The following CD48 variants were observed in gnomAD, a reference collection of about 807,000 sequenced individuals.
The protein encoded by CD48 is CD48 antigen.
In CD48, 20 loss-of-function variants were observed where a neutral mutation model predicts 22.0. The ratio of observed to expected loss-of-function variants is 0.91; its 90% CI spans 0.64 to 1.32. The LOEUF is 1.32. Among genes scored for constraint, CD48 ranks in the 40% most tolerant of loss-of-function variants. The pLI is 0.00. For missense variants in CD48, 307 were observed against 286.5 expected (o/e 1.07, Z -0.52); for synonymous variants, 110 against 110.1 (o/e 1.00, Z 0.01).
At chr1:160,699,488 G>A (rs978594633) in intron 1 of CD48, 3 of 152,500 alleles carry the variant, frequency 2.0e-5, no homozygotes, top group African/African-American at 7.2e-5. Flanking sequence ...TGCTGAGGAG[G>A]ATTAGTATAA....
At chr1:160,695,240 CT>C (rs1336351500) in intron 1 of CD48, among the ~76,000 whole-genome samples, 1 of 138,730 alleles carries the variant, frequency 7.2e-6, no homozygotes, top group Non-Finnish European at 1.6e-5. Context: ...ATTTGTCAGA[CT>C]TTTGTAGGTC....
chr1:160,686,860 C>T (rs1292961265), intron 1 of CD48, among the ~76,000 whole-genome samples: 1 of 152,172 alleles, frequency 6.6e-6, no homozygotes, highest in Admixed American at 6.6e-5. Flanking sequence ...CACAGGACCA[C>T]AGGACCGAGG....
At chr1:160,706,221 T>C (rs188452891) in intron 1 of CD48, among the ~76,000 whole-genome samples, 1 of 152,210 alleles carries the variant, frequency 6.6e-6, no homozygotes, top group East Asian at 1.9e-4. Flanking sequence ...ATTACAGGCA[T>C]GCACCACCAC....
intron 1 of CD48, among the ~76,000 whole-genome samples, chr1:160,690,358 C>A (rs1261130005): frequency 1.3e-5 from 2 of 152,226 alleles, no homozygotes; most frequent in Non-Finnish European, 2.9e-5. Flanking sequence ...AAGGAGCTAA[C>A]ATGAGTCACA....
At chr1:160,691,080 G>A (rs886754787) in intron 1 of CD48, among the ~76,000 whole-genome samples, 4 of 152,118 alleles carry the variant, frequency 2.6e-5, no homozygotes, top group African/African-American at 7.2e-5. Flanking sequence ...CAAAAACTGC[G>A]GAAGCCTGCA....
chr1:160,700,422 T>A (rs1662590655), intron 1 of CD48, among the ~76,000 whole-genome samples: 1 of 152,166 alleles, frequency 6.6e-6, no homozygotes, highest in African/African-American at 2.4e-5. Flanking sequence ...GTCTAATTAA[T>A]ATGGCTATTT....
At chr1:160,680,390 C>T (rs368113414) in intron 3 of CD48, 54 of 173,694 alleles carry the variant, frequency 3.1e-4, no homozygotes, top group African/African-American at 3.8e-4. Context: ...TAGGCAGTTA[C>T]GTGTCTTGTC....
At chr1:160,709,007 C>A (rs1662872831) in intron 1 of CD48, among the ~76,000 whole-genome samples, 1 of 152,164 alleles carries the variant, frequency 6.6e-6, no homozygotes, top group African/African-American at 2.4e-5. Flanking sequence ...AAGAGCCTTG[C>A]ATGACTCTAG....
At chr1:160,682,659 A>G (rs149609382) in intron 2 of CD48, among the ~76,000 whole-genome samples, 3 of 152,156 alleles carry the variant, frequency 2.0e-5, no homozygotes, top group African/African-American at 7.2e-5. Context: ...CCTTGCTGTC[A>G]TCTGTAAACT....
chr1:160,703,176 A>C (rs1031762469), intron 1 of CD48, among the ~76,000 whole-genome samples: 1 of 152,212 alleles, frequency 6.6e-6, no homozygotes, highest in Non-Finnish European at 1.5e-5. Context: ...CTGAGCCTGC[A>C]AATGGGCCTC....
chr1:160,688,210 G>T (rs965343843), intron 1 of CD48, among the ~76,000 whole-genome samples: 3 of 152,206 alleles, frequency 2.0e-5, no homozygotes, highest in African/African-American at 7.2e-5. Context: ...TTGATGTAAT[G>T]CCATTCCATC....
At chr1:160,701,990 T>C (rs1662645193) in intron 1 of CD48, among the ~76,000 whole-genome samples, 1 of 152,198 alleles carries the variant, frequency 6.6e-6, no homozygotes. Context: ...CAGGGCCACA[T>C]GTCTTATCGC....
At chr1:160,699,044 G>A (rs1662532266) in intron 1 of CD48, 1 of 153,782 alleles carries the variant, frequency 6.5e-6, no homozygotes, top group East Asian at 1.9e-4. Context: ...AGAAAAGGGG[G>A]AAATGTGGGG....
At chr1:160,694,070 C>T (rs984918917) in intron 1 of CD48, among the ~76,000 whole-genome samples, 11 of 126,940 alleles carry the variant, frequency 8.7e-5, no homozygotes, top group South Asian at 2.6e-4. Context: ...GGGAAGATCA[C>T]GTCTAAATCT....
chr1:160,688,266 G>A (rs1440528171), intron 1 of CD48, among the ~76,000 whole-genome samples: 7 of 152,154 alleles, frequency 4.6e-5, no homozygotes, highest in South Asian at 2.1e-4. Flanking sequence ...TGATAACAGC[G>A]ATTAAAGTGA....
rs957304109 is a variant in CD48 at position 160,697,433 on chromosome 1, G to T, written c.83-12244C>A. Among the ~76,000 whole-genome samples the T allele has an allele frequency of 3.9e-5, 6 of 152,420 alleles. No homozygotes were observed. In the East Asian group the frequency reaches 1.2e-3, roughly 29 times the overall value. ...TGATCGCTGCCCTGCCAAACCTGAGGAAGAAGGGATGATGATAAATATTTC... is the reference window on the plus strand; with the variant it reads ...TGATCGCTGCCCTGCCAAACCTGAGTAAGAAGGGATGATGATAAATATTTC... On this transcript the variant is annotated intron_variant, in intron 1 of 3. Coordinates refer to ENST00000368046, the MANE Select transcript of CD48 (RefSeq NM_001778.4).
chr1:160,684,597 T>C lies in CD48; in HGVS notation c.385+290A>G, dbSNP rs1661921554. On this transcript the variant is annotated intron_variant, in intron 2 of 3. Transcript: ENST00000368046. ...GATGAGCTGAGCTGATTTAGGTTGA[T>C]CACAGGACAAAATGAAGGAAATAGG... 8.0e-6 allele frequency: 7 copies of C among 875,010 alleles called. No individual in the cohort carries two copies. The South Asian group carries it at 1.3e-4, about 16-fold the overall frequency. The allele number at this position is 875,010 out of a possible 1,614,324, so 54.2% of individuals were successfully genotyped here.
At chr1:160,708,381 A>G (rs1017697805) in intron 1 of CD48, among the ~76,000 whole-genome samples, 51 of 152,188 alleles carry the variant, frequency 3.4e-4, no homozygotes, top group African/African-American at 1.2e-3. Flanking sequence ...ACAGAGAACC[A>G]TTTTAGAAAA....
intron 2 of CD48, 65 bp from the exon 3 acceptor site, chr1:160,681,533 A>T (rs1015758481): frequency 5.0e-5 from 79 of 1,569,044 alleles, no homozygotes; most frequent in Non-Finnish European, 6.7e-5. Context: ...GGTTTAGCCA[A>T]CAAAGAACAA....
Sources: gnomAD v4.1 joint callset for allele counts (sites outside exome capture counted in the v4.1 genomes callset) on GRCh38, gnomAD v4.1.1 for gene constraint, MANE v1.5 for transcripts, NCBI Gene and HGNC (gene_info 2026-07-23, HGNC 2026-07-21) for gene names.